Variants in ARB2A observed in about 807,000 individuals in gnomAD.
ARB2A encodes cotranscriptional regulator ARB2A.
At chr5:93,856,707 CTTCT>C in the ARB2A span, among the ~76,000 whole-genome samples, 13 of 151,980 alleles carry the variant, frequency 8.6e-5, no homozygotes, top group South Asian at 2.1e-4. Context: ...AAGTTTTTAA[CTTCT>C]TTGTCTTTGG....
At chr5:93,935,645 T>C in the ARB2A span, among the ~76,000 whole-genome samples, 1,452 of 152,346 alleles carry the variant, frequency 9.5e-3, 24 homozygotes, top group African/African-American at 0.034. Context: ...AGAAACTCAA[T>C]GCATATGTTC....
the ARB2A span, among the ~76,000 whole-genome samples, chr5:94,054,501 C>G: frequency 6.6e-6 from 1 of 152,134 alleles, no homozygotes; most frequent in African/African-American, 2.4e-5. Flanking sequence ...TCACTGAGGT[C>G]AACTGCCATT....
the ARB2A span, among the ~76,000 whole-genome samples, chr5:93,981,835 A>C: frequency 6.6e-6 from 1 of 152,130 alleles, no homozygotes; most frequent in African/African-American, 2.4e-5. Flanking sequence ...ATGTCACAAT[A>C]AGCAATGAAG....
the ARB2A span, among the ~76,000 whole-genome samples, chr5:93,917,119 A>T: frequency 6.6e-6 from 1 of 152,168 alleles, no homozygotes; most frequent in Non-Finnish European, 1.5e-5. Flanking sequence ...TTCCTAATAC[A>T]CCTCAGAGAA....
At chr5:93,957,647 AC>A in the ARB2A span, among the ~76,000 whole-genome samples, 5 of 152,148 alleles carry the variant, frequency 3.3e-5, no homozygotes, top group African/African-American at 4.8e-5. Flanking sequence ...GGAAAAAAAA[AC>A]ATATAGTTAA....
At chr5:93,860,547 A>T in the ARB2A span, 11 of 152,246 alleles carry the variant, frequency 7.2e-5, no homozygotes, top group East Asian at 1.7e-3. Context: ...AACTATAATG[A>T]AAAGGAAAAG....
chr5:94,101,147 C>A, the ARB2A span, among the ~76,000 whole-genome samples: 1 of 152,072 alleles, frequency 6.6e-6, no homozygotes, highest in African/African-American at 2.4e-5. Context: ...AAACAAAAGA[C>A]ATGAACAGAT....
the ARB2A span, among the ~76,000 whole-genome samples, chr5:93,627,504 G>A: frequency 2.0e-5 from 3 of 149,042 alleles, no homozygotes; most frequent in African/African-American, 7.6e-5. Context: ...GAGTGCAGTG[G>A]CATGATCTTG....
the ARB2A span, among the ~76,000 whole-genome samples, chr5:93,967,817 A>T: frequency 2.0e-5 from 3 of 152,170 alleles, no homozygotes; most frequent in Non-Finnish European, 4.4e-5. Context: ...GGAAATGCCC[A>T]GCTCCGGCTC....
At chr5:93,867,301 A>G in the ARB2A span, among the ~76,000 whole-genome samples, 1 of 152,250 alleles carries the variant, frequency 6.6e-6, no homozygotes, top group African/African-American at 2.4e-5. Context: ...ATTAAATATG[A>G]TAGCATCCAA....
At chr5:93,918,715 C>A in the ARB2A span, among the ~76,000 whole-genome samples, 1 of 152,172 alleles carries the variant, frequency 6.6e-6, no homozygotes, top group East Asian at 1.9e-4. Flanking sequence ...AGCCACTGCG[C>A]CTAGCCCCAA....
the ARB2A span, among the ~76,000 whole-genome samples, chr5:93,755,378 G>A: frequency 6.6e-6 from 1 of 152,246 alleles, no homozygotes; most frequent in East Asian, 1.9e-4. Context: ...GAGGAGGTAA[G>A]ATCATCATGG....
chr5:93,687,587 A>C, the ARB2A span, among the ~76,000 whole-genome samples: 1,380 of 152,330 alleles, frequency 9.1e-3, 15 homozygotes, highest in South Asian at 0.043. Flanking sequence ...CCAAACTAAA[A>C]TAGGCAATAT....
At chr5:93,946,478 T>C in the ARB2A span, among the ~76,000 whole-genome samples, 1 of 152,120 alleles carries the variant, frequency 6.6e-6, no homozygotes, top group Non-Finnish European at 1.5e-5. Flanking sequence ...AACAAAGATA[T>C]TGTATCAAAA....
At chr5:93,741,434 C>G in the ARB2A span, 2 of 1,613,386 alleles carry the variant, frequency 1.2e-6, no homozygotes, top group African/African-American at 2.7e-5. Flanking sequence ...CAGACCATCA[C>G]CCTGCCAGGG....
the ARB2A span, among the ~76,000 whole-genome samples, chr5:93,774,784 T>C: frequency 6.6e-6 from 1 of 152,152 alleles, no homozygotes; most frequent in Non-Finnish European, 1.5e-5. Context: ...TCAATGTTAA[T>C]GAATCAACAA....
chr5:94,017,833 A>G, the ARB2A span, among the ~76,000 whole-genome samples: 6 of 152,320 alleles, frequency 3.9e-5, no homozygotes, highest in Admixed American at 1.3e-4. Flanking sequence ...GTCCCCAACC[A>G]AATCTCAACT....
At chr5:94,082,395 G>A in the ARB2A span, among the ~76,000 whole-genome samples, 29 of 152,110 alleles carry the variant, frequency 1.9e-4, 1 homozygote, top group African/African-American at 6.7e-4. Context: ...AAATTACTTC[G>A]AAGTTAGAAA....
chr5:93,724,112 A>T, the ARB2A span, among the ~76,000 whole-genome samples: 2 of 151,998 alleles, frequency 1.3e-5, no homozygotes, highest in East Asian at 3.9e-4. Flanking sequence ...TTTCTAAATG[A>T]CACTGACACT....
Sources: allele counts gnomAD v4.1 joint callset (sites outside exome capture counted in the v4.1 genomes callset), GRCh38; gene constraint gnomAD v4.1.1; transcripts MANE v1.5; gene names NCBI Gene and HGNC (gene_info 2026-07-23, HGNC 2026-07-21).